The following SPAG16 variants were observed in gnomAD, a reference collection of about 807,000 sequenced individuals.
The protein encoded by SPAG16 is sperm associated antigen 16.
In SPAG16, 86 loss-of-function variants were observed where a neutral mutation model predicts 80.4. The ratio of observed to expected loss-of-function variants is 1.07; its 90% CI spans 0.90 to 1.28. The LOEUF is 1.28. Among genes scored for constraint, SPAG16 ranks in the 50% most tolerant of loss-of-function variants. SPAG16 has a pLI of 0.00. For synonymous variants in SPAG16, 294 were observed against 265.9 expected (o/e 1.11, Z -1.03); for missense variants, 870 against 765.3 (o/e 1.14, Z -1.61).
At chr2:213,474,590 A>T (rs1278521061) in intron 9 of SPAG16, among the ~76,000 whole-genome samples, 1 of 152,198 alleles carries the variant, frequency 6.6e-6, no homozygotes, top group Non-Finnish European at 1.5e-5. Context: ...TAAGCAGTTC[A>T]CACCAAGGAC....
intron 10 of SPAG16, among the ~76,000 whole-genome samples, chr2:213,610,224 T>C (rs1415103511): frequency 1.3e-5 from 2 of 152,294 alleles, no homozygotes; most frequent in Non-Finnish European, 2.9e-5. Context: ...TTGAGAAGTT[T>C]GTTAAGAGGA....
chr2:213,491,830 C>A (rs1388832124), intron 10 of SPAG16, among the ~76,000 whole-genome samples: 1 of 152,182 alleles, frequency 6.6e-6, no homozygotes. Context: ...ACTACTACTG[C>A]AACTCAAGGA....
intron 12 of SPAG16, among the ~76,000 whole-genome samples, chr2:213,980,725 T>TATATATATATATATAGAGAG (rs374274176): frequency 2.3e-3 from 236 of 103,928 alleles, no homozygotes; most frequent in East Asian, 3.2e-3. Context: ...TATATATATA[T>TATATATATATATATAGAGAG]AGAGAGAGAG....
At chr2:214,272,009 C>A (rs1305814418) in intron 15 of SPAG16, among the ~76,000 whole-genome samples, 2 of 151,882 alleles carry the variant, frequency 1.3e-5, no homozygotes, top group Non-Finnish European at 2.9e-5. Flanking sequence ...CAGAATAATT[C>A]TTATAAGGAA....
chr2:214,038,247 T>C (rs1039595413), intron 13 of SPAG16, among the ~76,000 whole-genome samples: 1 of 152,190 alleles, frequency 6.6e-6, no homozygotes, highest in African/African-American at 2.4e-5. Context: ...TTTTACATTT[T>C]CTTATTCTTT....
At chr2:213,475,081 T>G (rs555483974) in intron 9 of SPAG16, among the ~76,000 whole-genome samples, 5 of 152,292 alleles carry the variant, frequency 3.3e-5, no homozygotes, top group Non-Finnish European at 5.9e-5. Context: ...ATCCCCAAAT[T>G]TCTCTGCCAC....
intron 15 of SPAG16, among the ~76,000 whole-genome samples, chr2:214,350,206 A>G (rs577230484): frequency 6.6e-6 from 1 of 152,306 alleles, no homozygotes. Context: ...TCTGAAACTT[A>G]TATCTTCCAG....
In SPAG16 at chr2:213,396,961, A is replaced by C. The variant is rs1271365620; in HGVS notation, c.942+21842A>C. ...CCTTTCTTTGTACTCTATTGAATTC[A>C]AGGTCAGTCAACAAAAAAGTCCTTT... is the stretch of plus-strand genomic sequence containing the variant. On this transcript the variant is annotated intron_variant, in intron 9 of 15. Transcript: ENST00000331683. Among the ~76,000 whole-genome samples, 3 of 152,192 alleles carry C rather than the reference A, an allele frequency of 2.0e-5. No individual in the cohort carries two copies. The East Asian group carries it at 5.8e-4, about 29-fold the overall frequency.
chr2:213,285,933 T>G, intron 1 of SPAG16: 1 of 1,287,766 alleles, frequency 7.8e-7, no homozygotes, highest in Non-Finnish European at 1.0e-6. Flanking sequence ...CCAGGCATCT[T>G]GTAATTTTGT....
chr2:214,374,071 C>T (rs1699980263), intron 15 of SPAG16, among the ~76,000 whole-genome samples: 1 of 152,170 alleles, frequency 6.6e-6, no homozygotes, highest in African/African-American at 2.4e-5. Context: ...CAGTGAGGAG[C>T]AGTGGCTGGC....
intron 10 of SPAG16, among the ~76,000 whole-genome samples, chr2:213,620,760 C>T (rs989280593): frequency 2.0e-5 from 3 of 151,926 alleles, no homozygotes; most frequent in Admixed American, 2.0e-4. Flanking sequence ...TACAATGATT[C>T]TATATAAAGA....
rs1347172002 is a variant in SPAG16 at position 213,660,663 on chromosome 2, A to G, written c.1070+170573A>G. Among the ~76,000 whole-genome samples, 4 of 152,124 alleles carry G rather than the reference A, an allele frequency of 2.6e-5. No individual in the cohort carries two copies. In the East Asian group the frequency reaches 7.7e-4, roughly 29 times the overall value. On this transcript the variant is annotated intron_variant, in intron 10 of 15. Coordinates refer to ENST00000331683, the MANE Select transcript of SPAG16 (RefSeq NM_024532.5). ...TTGGATGGAATCCAGGGCTCAGGGGATAAAACCCCTTGTGGCCTCTGGAAT... is the reference window on the plus strand; with the variant it reads ...TTGGATGGAATCCAGGGCTCAGGGGGTAAAACCCCTTGTGGCCTCTGGAAT...
intron 9 of SPAG16, among the ~76,000 whole-genome samples, chr2:213,433,868 C>T (rs1031796005): frequency 4.6e-5 from 7 of 151,314 alleles, no homozygotes; most frequent in Non-Finnish European, 8.8e-5. Context: ...TATGGCAACC[C>T]AAACAGCATT....
chr2:213,446,452 G>A (rs113820041), intron 9 of SPAG16, among the ~76,000 whole-genome samples: 3,537 of 152,316 alleles, frequency 0.023, 58 homozygotes, highest in African/African-American at 0.038. Context: ...TGCAGTTCAA[G>A]CATTAATAAC....
chr2:213,318,619 T>C (rs1051742767), intron 5 of SPAG16, among the ~76,000 whole-genome samples: 1 of 151,772 alleles, frequency 6.6e-6, no homozygotes, highest in Non-Finnish European at 1.5e-5. Context: ...AACTGCACTT[T>C]TACCCCTTAA....
At position 213,296,063 on chromosome 2, in the gene SPAG16, G is replaced by C. The variant is rs768817785; in HGVS notation, c.137-1G>C. 1.2e-6 allele frequency: 2 copies of C among 1,609,272 alleles called. No homozygotes were observed. Among genetic ancestry groups the C allele is most frequent in the Admixed American group, 3.3e-5 (2 of 59,906 alleles). On this transcript the variant is annotated splice_acceptor_variant, in intron 1 of 15. Coordinates refer to ENST00000331683, the MANE Select transcript of SPAG16 (RefSeq NM_024532.5). LOFTEE classifies it high-confidence loss of function. Reference sequence around the variant, plus strand: ...AGATTAAAACTTGACAAGATATTCAGAGGTCACCATAACTGAAGCATCTGA... The same window carrying C: ...AGATTAAAACTTGACAAGATATTCACAGGTCACCATAACTGAAGCATCTGA...
intron 9 of SPAG16, among the ~76,000 whole-genome samples, chr2:213,436,675 A>G (rs1241538845): frequency 6.6e-6 from 1 of 152,136 alleles, no homozygotes; most frequent in East Asian, 1.9e-4. Flanking sequence ...AATTATATGA[A>G]TTCACTTTCT....
chr2:213,310,319 AACACACACACAC>A (rs59407158), intron 4 of SPAG16, 142 bp downstream of exon 4: 64,399 of 346,292 alleles, frequency 0.19, 7,462 homozygotes, highest in East Asian at 0.32. Context: ...CTGAAACCAC[AACACACACACAC>A]ACACACACAC....
At chr2:213,355,123 C>A (rs367620543) in intron 7 of SPAG16, among the ~76,000 whole-genome samples, 12 of 152,282 alleles carry the variant, frequency 7.9e-5, no homozygotes, top group East Asian at 3.9e-4. Flanking sequence ...AATAGGGAAT[C>A]CTTTCCCCAT....
Sources: allele counts gnomAD v4.1 joint callset (sites outside exome capture counted in the v4.1 genomes callset), GRCh38; gene constraint gnomAD v4.1.1; transcripts MANE v1.5; gene names NCBI Gene and HGNC (gene_info 2026-07-23, HGNC 2026-07-21).